The following CALU variants were observed in gnomAD, a reference collection of about 807,000 sequenced individuals.
The protein encoded by CALU is calumenin, also known as IEF SSP 9302.
In CALU, 13 loss-of-function variants were observed where a neutral mutation model predicts 37.5. That is an observed-to-expected ratio of 0.35 (90% CI 0.23 to 0.55). The LOEUF is 0.55. Ranked by LOEUF, CALU falls within the 20% of genes least tolerant of loss-of-function variation. The probability of loss-of-function intolerance (pLI) is 0.89; values close to 1 mark genes in which losing one functional copy is unlikely to be tolerated. For synonymous variants in CALU, 114 were observed against 133.8 expected, an observed-to-expected ratio of 0.85 and a Z score of 1.02; for missense variants, 282 against 391.7, an observed-to-expected ratio of 0.72 and a Z score of 2.36.
chr7:128,752,710 A>G (rs1343851978), intron 2 of CALU, among the ~76,000 whole-genome samples: 1 of 152,164 alleles, frequency 6.6e-6, no homozygotes, highest in Non-Finnish European at 1.5e-5. Flanking sequence ...TCTGAGACGA[A>G]GTCTTGCTCT....
At chr7:128,755,981 CTT>C (rs890216090) in intron 3 of CALU, among the ~76,000 whole-genome samples, 2 of 152,180 alleles carry the variant, frequency 1.3e-5, no homozygotes, top group Non-Finnish European at 2.9e-5. Flanking sequence ...GGTGAAGAGA[CTT>C]TTATTTCTGT....
intron 2 of CALU, among the ~76,000 whole-genome samples, chr7:128,753,328 C>A (rs1370101714): frequency 2.6e-5 from 4 of 152,220 alleles, no homozygotes; most frequent in African/African-American, 9.6e-5. Context: ...CCAAACTGGG[C>A]TGCTTACTTG....
Position 128,739,441 on chromosome 7 carries a change from G to A in CALU, c.-12+9G>A, listed in dbSNP as rs561162964. ...GGGGGCTACGAGGAAAGGTAAGTAC[G>A]GTGATGCCCAGCCCCTTCACCACTG... On this transcript the variant is annotated intron_variant, in intron 1 of 6. Coordinates refer to ENST00000249364, the MANE Select transcript of CALU (RefSeq NM_001219.5). 568 of 152,664 alleles carry A rather than the reference G, an allele frequency of 3.7e-3. 3 individuals are homozygous for A. Among genetic ancestry groups the A allele is most frequent in the Non-Finnish European group, 5.8e-3 (396 of 68,300 alleles). The allele number at this position is 152,664 out of a possible 1,614,324, so 9.5% of individuals were successfully genotyped here.
intron 3 of CALU, among the ~76,000 whole-genome samples, chr7:128,755,033 G>A (rs1800819351): frequency 6.6e-6 from 1 of 151,532 alleles, no homozygotes; most frequent in Non-Finnish European, 1.5e-5. Flanking sequence ...ATTGGGCTGG[G>A]TGCCGATAGC....
intron 3 of CALU, chr7:128,754,696 G>A: frequency 1.9e-6 from 3 of 1,551,800 alleles, no homozygotes; most frequent in Non-Finnish European, 2.6e-6. Context: ...GATGAGTACA[G>A]AAACGTGACT....
At chr7:128,765,361 T>C (rs1459235171) in intron 5 of CALU, among the ~76,000 whole-genome samples, 1 of 152,078 alleles carries the variant, frequency 6.6e-6, no homozygotes, top group Non-Finnish European at 1.5e-5. Flanking sequence ...GCTGGGACTG[T>C]AGGTGCATGC....
chr7:128,751,704 G>T (rs1800682947), intron 2 of CALU, among the ~76,000 whole-genome samples: 1 of 152,140 alleles, frequency 6.6e-6, no homozygotes, highest in Admixed American at 6.5e-5. Context: ...TCCAGCCTGG[G>T]TGACAGAGCA....
rs549116638 is a variant in CALU at position 128,739,824 on chromosome 7, C to T, written c.-12+392C>T. ...TTTGGATAGTGTTATTGTAAGAGTT[C>T]CTTGCCGCCTCCACTCACCATCCTG... On this transcript the variant is annotated intron_variant, in intron 1 of 6. Transcript: ENST00000249364. Among the ~76,000 whole-genome samples the T allele has an allele frequency of 1.4e-3, 217 of 152,222 alleles. 2 individuals are homozygous for T. The highest frequency in any genetic ancestry group is 2.7e-3 in the Non-Finnish European group (181 of 68,012).
chr7:128,754,699 A>G, intron 3 of CALU: 5 of 1,551,682 alleles, frequency 3.2e-6, no homozygotes, highest in South Asian at 1.2e-5. Flanking sequence ...GAGTACAGAA[A>G]CGTGACTTAT....
intron 3 of CALU, among the ~76,000 whole-genome samples, chr7:128,756,418 T>G (rs1177035130): frequency 6.6e-6 from 1 of 152,136 alleles, no homozygotes; most frequent in Non-Finnish European, 1.5e-5. Flanking sequence ...TGGGAAGCAA[T>G]GTCTTTATAA....
chr7:128,762,560 T>C (rs1284791163), intron 5 of CALU, among the ~76,000 whole-genome samples: 1 of 151,188 alleles, frequency 6.6e-6, no homozygotes, highest in Non-Finnish European at 1.5e-5. Context: ...TCAGTGCCTG[T>C]GGAAACATAG....
intron 5 of CALU, among the ~76,000 whole-genome samples, chr7:128,765,594 C>A (rs1361035914): frequency 6.6e-6 from 1 of 152,188 alleles, no homozygotes; most frequent in East Asian, 1.9e-4. Flanking sequence ...AAATGGTGTT[C>A]TGTGATATGG....
chr7:128,768,863 A>AAAAAAAAAAAAAC (rs1554368156), intron 6 of CALU, among the ~76,000 whole-genome samples, 200 bp from the exon 7 acceptor site: 50 of 148,028 alleles, frequency 3.4e-4, no homozygotes, highest in African/African-American at 1.3e-3. Context: ...AAAAAAAAAA[A>AAAAAAAAAAAAAC]AAAAACAAGG....
chr7:128,767,361 C>T (rs781039487), intron 5 of CALU, 95 bp from the exon 6 acceptor site: 5 of 958,740 alleles, frequency 5.2e-6, no homozygotes, highest in South Asian at 1.3e-5. Context: ...GGGTTCCAAA[C>T]AAATGGATGA....
Position 128,769,175 on chromosome 7 carries a change from A to T in CALU, c.*8A>T. ...CGGCATGATGAGTTCTGAGCTACGG[A>T]GGAACCCTCATTTCCTCAAAAGTAA... On this transcript the variant is annotated 3_prime_UTR_variant, in exon 7 of 7. Transcript: ENST00000249364. 1 of 1,399,410 alleles carries T rather than the reference A, an allele frequency of 7.1e-7. No homozygotes were observed. Among genetic ancestry groups the T allele is most frequent in the Non-Finnish European group, 1.0e-6 (1 of 994,886 alleles). 86.7% of individuals were successfully genotyped at this position (1,399,410 alleles called of 1,614,324 possible). A position where few individuals can be genotyped will look rare whatever the true frequency, so the allele number is the denominator to read the frequency against.
intron 5 of CALU, among the ~76,000 whole-genome samples, chr7:128,767,156 C>T (rs1801368282): frequency 6.6e-6 from 1 of 152,156 alleles, no homozygotes; most frequent in Non-Finnish European, 1.5e-5. Context: ...ATGTAGGGAA[C>T]GAGTCTAAGT....
chr7:128,757,548 C>G (rs550666798), intron 3 of CALU, among the ~76,000 whole-genome samples: 11 of 152,056 alleles, frequency 7.2e-5, no homozygotes, highest in African/African-American at 2.4e-4. Context: ...AAAGACTGAA[C>G]AATCTCAAAG....
intron 1 of CALU, among the ~76,000 whole-genome samples, chr7:128,743,562 C>T (rs1800319372): frequency 6.6e-6 from 1 of 151,518 alleles, no homozygotes; most frequent in Non-Finnish European, 1.5e-5. Flanking sequence ...TGTTCCCTCA[C>T]CAAGGCTGGA....
At chr7:128,762,368 C>CTTTTTTT (rs547572221) in intron 5 of CALU, among the ~76,000 whole-genome samples, 2 of 131,524 alleles carry the variant, frequency 1.5e-5, no homozygotes, top group African/African-American at 2.8e-5. Flanking sequence ...TGCATGTGTG[C>CTTTTTTT]TTTTTTTTTT....
Sources: gnomAD v4.1 joint callset for allele counts (sites outside exome capture counted in the v4.1 genomes callset) on GRCh38, gnomAD v4.1.1 for gene constraint, MANE v1.5 for transcripts, NCBI Gene and HGNC (gene_info 2026-07-23, HGNC 2026-07-21) for gene names.